The following COG3 variants were observed in gnomAD, a reference collection of about 807,000 sequenced individuals.
COG3 encodes conserved oligomeric Golgi complex subunit 3.
In COG3, 32 loss-of-function variants were observed where a neutral mutation model predicts 114.1. The ratio of observed to expected loss-of-function variants is 0.28; its 90% CI spans 0.21 to 0.38. COG3 has a LOEUF of 0.38. Among genes scored for constraint, COG3 ranks in the 10% least tolerant of loss-of-function variants. COG3 has a pLI of 1.00. For synonymous variants in COG3, 352 were observed against 365.7 expected, an observed-to-expected ratio of 0.96 and a Z score of 0.43; for missense variants, 813 against 973.2, an observed-to-expected ratio of 0.84 and a Z score of 2.19.
chr13:45,472,782 C>T (rs142817391), intron 1 of COG3, among the ~76,000 whole-genome samples: 1 of 152,312 alleles, frequency 6.6e-6, no homozygotes, highest in African/African-American at 2.4e-5. Context: ...ATGTTAATCA[C>T]AGTTATTTTA....
chr13:45,465,244 T>C, intron 1 of COG3, 34 bp downstream of exon 1: 1 of 1,608,698 alleles, frequency 6.2e-7, no homozygotes, highest in Non-Finnish European at 8.5e-7. Context: ...GCCGGGGCGA[T>C]GGGGCTGGGA....
At chr13:45,524,787 G>A (rs974578100) in intron 19 of COG3, among the ~76,000 whole-genome samples, 189 bp from the exon 20 acceptor site, 17 of 151,694 alleles carry the variant, frequency 1.1e-4, no homozygotes, top group African/African-American at 2.7e-4. Flanking sequence ...TACTAAAAAC[G>A]TTGATTACTT....
intron 1 of COG3, among the ~76,000 whole-genome samples, chr13:45,475,404 A>G (rs1437952274): frequency 2.0e-5 from 3 of 151,440 alleles, no homozygotes; most frequent in East Asian, 2.0e-4. Flanking sequence ...GGGTGTCACT[A>G]TGTTGCCCAG....
At chr13:45,465,324 C>T (rs1370421922) in intron 1 of COG3, 114 bp downstream of exon 1, 35 of 1,430,824 alleles carry the variant, frequency 2.4e-5, no homozygotes, top group African/African-American at 2.9e-5. Context: ...CCACTCCTCC[C>T]TGGCCATGGT....
chr13:45,472,641 G>T (rs977769268), intron 1 of COG3, among the ~76,000 whole-genome samples: 4 of 152,046 alleles, frequency 2.6e-5, no homozygotes, highest in African/African-American at 9.7e-5. Context: ...TGAGCCCATT[G>T]CAGGTATTCT....
rs1267869722 is a variant in COG3, at chr13:45,476,190, C to CT, written c.175-5dup. ...GTCACTTAAATATCTTTGTGACTCT[C>CT]TTTTTTCAAGCTTCCAATTGAAGAC... On this transcript the variant is annotated splice_polypyrimidine_tract_variant and intron_variant, in intron 1 of 22. Transcript: ENST00000349995. The CT allele has an allele frequency of 1.9e-6, 3 of 1,612,798 alleles. No homozygotes were observed. Among genetic ancestry groups the CT allele is most frequent in the Non-Finnish European group, 2.5e-6 (3 of 1,179,540 alleles).
intron 13 of COG3, 24 bp downstream of exon 13, chr13:45,496,336 C>T (rs778445933): frequency 1.3e-6 from 2 of 1,512,180 alleles, no homozygotes; most frequent in Non-Finnish European, 8.9e-7. Context: ...ACTTGATCTC[C>T]CGTCTGCCCC....
intron 11 of COG3, among the ~76,000 whole-genome samples, chr13:45,492,716 A>G (rs1416213928): frequency 6.6e-6 from 1 of 152,158 alleles, no homozygotes; most frequent in Non-Finnish European, 1.5e-5. Flanking sequence ...GACTCTTACA[A>G]ACATTCCAAG....
At chr13:45,476,746 G>T (rs1885890934) in intron 2 of COG3, among the ~76,000 whole-genome samples, 1 of 152,026 alleles carries the variant, frequency 6.6e-6, no homozygotes, top group Non-Finnish European at 1.5e-5. Context: ...ATTAACATTT[G>T]TAGTTATTTT....
At chr13:45,518,513 A>G (rs548201081) in intron 17 of COG3, among the ~76,000 whole-genome samples, 2 of 152,182 alleles carry the variant, frequency 1.3e-5, no homozygotes, top group East Asian at 3.9e-4. Context: ...ACCATTTATC[A>G]TTTTTCTTTT....
rs576283622 is a variant in COG3, at chr13:45,510,589, T to C, written c.1719+773T>C. ...GGAGGCATATTCCACATAGAACCCA[T>C]TGTCATCACAGACTCTAGGAAATAA... On this transcript the variant is annotated intron_variant, in intron 15 of 22. Coordinates refer to ENST00000349995, the MANE Select transcript of COG3 (RefSeq NM_031431.4). Among the ~76,000 whole-genome samples, 37 of 152,334 alleles carry C rather than the reference T, an allele frequency of 2.4e-4. No homozygotes were observed. In the East Asian group the frequency reaches 6.6e-3, roughly 27 times the overall value.
chr13:45,479,105 T>A, intron 3 of COG3, 39 bp downstream of exon 3: 1 of 1,415,228 alleles, frequency 7.1e-7, no homozygotes, highest in Non-Finnish European at 9.9e-7. Flanking sequence ...ATCTTAATTT[T>A]TAGATCACAG....
intron 7 of COG3, among the ~76,000 whole-genome samples, chr13:45,484,997 C>T (rs1473349983): frequency 7.1e-6 from 1 of 141,168 alleles, no homozygotes. Context: ...CCCATGTCTA[C>T]TTCCTTCCAC....
chr13:45,491,369 C>T (rs774856389), intron 9 of COG3, 43 bp from the exon 10 acceptor site: 11 of 1,577,584 alleles, frequency 7.0e-6, no homozygotes, highest in Non-Finnish European at 9.4e-6. Context: ...ATTTAGTTTA[C>T]ATATCTGAAA....
At chr13:45,487,230 G>T (rs565531861) in intron 8 of COG3, among the ~76,000 whole-genome samples, 9 of 152,278 alleles carry the variant, frequency 5.9e-5, no homozygotes, top group Non-Finnish European at 1.2e-4. Flanking sequence ...GTCTCTCACT[G>T]TATACAAAAA....
chr13:45,502,998 A>T (rs1266178746), intron 13 of COG3, among the ~76,000 whole-genome samples: 1 of 152,202 alleles, frequency 6.6e-6, no homozygotes, highest in Non-Finnish European at 1.5e-5. Flanking sequence ...GCTAATTTTT[A>T]AAAAATATCT....
chr13:45,511,821 AC>A lies in COG3; in HGVS notation c.1777del (p.Gly594GlufsTer19). On this transcript the variant is annotated frameshift_variant, in exon 16 of 23. Coordinates refer to ENST00000349995, the MANE Select transcript of COG3 (RefSeq NM_031431.4). LOFTEE classifies it high-confidence loss of function. ...EALSACIQSL[L>X]GASESISKNK... ...CATTGTCTGCCTGCATTCAGTCCTT[AC>A]TTGGAGCGTCAGAGTCTATCAGCAA... is the stretch of plus-strand genomic sequence containing the variant. The A allele has an allele frequency of 6.2e-7, 1 of 1,613,990 alleles. No homozygotes were observed. The highest frequency in any genetic ancestry group is 2.2e-5 in the East Asian group (1 of 44,862).
chr13:45,465,565 T>A, intron 1 of COG3: 1 of 209,614 alleles, frequency 4.8e-6, no homozygotes. Context: ...CTGCCCACTC[T>A]CTCCCAGAAG....
At chr13:45,510,154 C>T (rs1424643664) in intron 15 of COG3, among the ~76,000 whole-genome samples, 1 of 151,636 alleles carries the variant, frequency 6.6e-6, no homozygotes, top group African/African-American at 2.4e-5. Context: ...GTCTAGATGC[C>T]ACTATTTCTT....
Sources: gnomAD v4.1 joint callset for allele counts (sites outside exome capture counted in the v4.1 genomes callset) on GRCh38, gnomAD v4.1.1 for gene constraint, MANE v1.5 for transcripts, NCBI Gene and HGNC (gene_info 2026-07-23, HGNC 2026-07-21) for gene names.